GBE1: variants seen among roughly 807,000 people sequenced by gnomAD.
GBE1 encodes the protein 1,4-alpha-glucan-branching enzyme.
Under a neutral mutation model 88.8 loss-of-function variants are expected in GBE1, and 70 were observed. The observed-to-expected ratio is 0.79, with a 90% CI of 0.65 to 0.96. The LOEUF (loss-of-function observed/expected upper bound fraction) is 0.96, where lower values mean the gene tolerates loss of function less well. Among genes scored for constraint, GBE1 ranks in the 40% least tolerant of loss-of-function variants. The pLI, the probability that GBE1 is intolerant of heterozygous loss-of-function variation, is 0.00. For synonymous variants in GBE1, 284 were observed against 300.1 expected (o/e 0.95, Z 0.56); for missense variants, 872 against 871.0 (o/e 1.00, Z -0.01).
intron 14 of GBE1, among the ~76,000 whole-genome samples, chr3:81,527,809 C>T (rs1400866778): frequency 2.6e-5 from 4 of 151,998 alleles, no homozygotes; most frequent in African/African-American, 7.2e-5. Flanking sequence ...GACAGTGTGG[C>T]GATTCCTCAG....
chr3:81,604,435 C>T (rs1192773709), intron 7 of GBE1, among the ~76,000 whole-genome samples: 2 of 151,678 alleles, frequency 1.3e-5, no homozygotes, highest in Non-Finnish European at 1.5e-5. Flanking sequence ...GACAGGAGTG[C>T]ACCACGACGC....
intron 3 of GBE1, among the ~76,000 whole-genome samples, chr3:81,655,585 C>T (rs1169687660): frequency 6.6e-6 from 1 of 152,108 alleles, no homozygotes; most frequent in Non-Finnish European, 1.5e-5. Context: ...GGTGCCACCT[C>T]CACTCACTGC....
chr3:81,759,271 T>C (rs1706644808), intron 1 of GBE1, among the ~76,000 whole-genome samples: 1 of 152,130 alleles, frequency 6.6e-6, no homozygotes, highest in Non-Finnish European at 1.5e-5. Flanking sequence ...TCAAAAGATA[T>C]CTGTTGGGGA....
intron 12 of GBE1, among the ~76,000 whole-genome samples, chr3:81,543,868 G>T (rs1703171684): frequency 6.6e-6 from 1 of 152,078 alleles, no homozygotes; most frequent in Admixed American, 6.6e-5. Context: ...TAAGCAATAT[G>T]TATATTCCTA....
intron 7 of GBE1, among the ~76,000 whole-genome samples, chr3:81,610,161 C>T (rs1249331983): frequency 6.6e-6 from 1 of 152,098 alleles, no homozygotes; most frequent in Non-Finnish European, 1.5e-5. Context: ...ATGTCTGGCC[C>T]ACTGGTTCAA....
chr3:81,536,007 C>T (rs1016641127), intron 13 of GBE1, among the ~76,000 whole-genome samples: 1 of 151,882 alleles, frequency 6.6e-6, no homozygotes, highest in African/African-American at 2.4e-5. Context: ...CCATGCATAC[C>T]CGCAGCACCA....
chr3:81,529,764 A>T (rs1291748481), intron 14 of GBE1, among the ~76,000 whole-genome samples: 1 of 151,816 alleles, frequency 6.6e-6, no homozygotes, highest in Non-Finnish European at 1.5e-5. Context: ...GCCTTTGGGA[A>T]ATTGATTTTT....
intron 15 of GBE1, among the ~76,000 whole-genome samples, chr3:81,492,709 TTTCCTTCC>T (rs142892988): frequency 0.066 from 9,606 of 146,488 alleles, 521 homozygotes; most frequent in African/African-American, 0.13. Flanking sequence ...CCTTTCTTCC[TTTCCTTCC>T]TTCCTTCCTT....
intron 1 of GBE1, among the ~76,000 whole-genome samples, chr3:81,720,168 G>A (rs901631072): frequency 6.6e-6 from 1 of 151,892 alleles, no homozygotes; most frequent in African/African-American, 2.4e-5. Flanking sequence ...ATTCTGTCAG[G>A]CACAAAACTA....
intron 1 of GBE1, among the ~76,000 whole-genome samples, chr3:81,740,311 AT>A (rs373467899): frequency 5.8e-4 from 88 of 152,076 alleles, no homozygotes; most frequent in African/African-American, 2.0e-3. Context: ...CTTTTGTCTA[AT>A]TCACACCTGA....
At chr3:81,704,894 T>C (rs992223482) in intron 2 of GBE1, among the ~76,000 whole-genome samples, 1 of 152,026 alleles carries the variant, frequency 6.6e-6, no homozygotes, top group Non-Finnish European at 1.5e-5. Flanking sequence ...TCTAGTGGAG[T>C]TAACAGTGCA....
intron 7 of GBE1, among the ~76,000 whole-genome samples, chr3:81,631,671 T>C (rs1169792677): frequency 6.7e-6 from 1 of 150,008 alleles, no homozygotes; most frequent in Non-Finnish European, 1.5e-5. Flanking sequence ...CACTTGAACC[T>C]GGGAGGCAGA....
At chr3:81,525,270 C>G (rs1419169211) in intron 14 of GBE1, among the ~76,000 whole-genome samples, 2 of 151,932 alleles carry the variant, frequency 1.3e-5, no homozygotes, top group African/African-American at 4.8e-5. Flanking sequence ...AAGGCCTTTT[C>G]TTCATCTATT....
At chr3:81,659,598 T>A (rs910505041) in intron 3 of GBE1, among the ~76,000 whole-genome samples, 1 of 149,892 alleles carries the variant, frequency 6.7e-6, no homozygotes, top group East Asian at 2.0e-4. Context: ...TCCGCCCACC[T>A]CGGCCTCCCA....
chr3:81,629,101 A>G (rs1356333079), intron 7 of GBE1, among the ~76,000 whole-genome samples: 1 of 142,806 alleles, frequency 7.0e-6, no homozygotes, highest in Admixed American at 7.1e-5. Flanking sequence ...ATATGTATAC[A>G]TGTGCCATGC....
chr3:81,490,181 A>G lies in GBE1; in HGVS notation c.*226T>C, dbSNP rs748963117. On this transcript the variant is annotated 3_prime_UTR_variant, in exon 16 of 16. Coordinates refer to ENST00000429644, the MANE Select transcript of GBE1 (RefSeq NM_000158.4). The stretch of plus-strand genomic sequence containing the variant: ...CCATTTGAGAATCCTAGCTGCTAAG[A>G]TGACTTGAAAATATGGTCTAGGATT... 42 of 514,532 alleles carry G rather than the reference A, an allele frequency of 8.2e-5. No homozygotes were observed. Among genetic ancestry groups the G allele is most frequent in the Non-Finnish European group, 1.3e-4 (39 of 295,040 alleles). The allele number at this position is 514,532 out of a possible 1,614,324, so 31.9% of individuals were successfully genotyped here. A position where few individuals can be genotyped will look rare whatever the true frequency, so the allele number is the denominator to read the frequency against.
intron 1 of GBE1, among the ~76,000 whole-genome samples, chr3:81,721,224 T>A (rs11712470): frequency 0.44 from 33,147 of 75,078 alleles, 7,417 homozygotes; most frequent in East Asian, 0.77. Flanking sequence ...AATAAATAAA[T>A]AAATAAATAA....
rs189560550 is a variant in GBE1, at chr3:81,490,487, T to C, written c.2053-24A>G. 1,902 of 1,596,154 alleles carry C rather than the reference T, an allele frequency of 1.2e-3. 3 individuals are homozygous for C. The highest frequency in any genetic ancestry group is 1.5e-3 in the Admixed American group (88 of 59,096). ...ACCTACGTCAAAACAATTATGTCAG[T>C]GCAATTGAAGAAAGTACCAAACGGC... On this transcript the variant is annotated intron_variant, in intron 15 of 15. Transcript: ENST00000429644.
chr3:81,587,875 A>G (rs1243397952), intron 9 of GBE1, among the ~76,000 whole-genome samples: 2 of 152,218 alleles, frequency 1.3e-5, no homozygotes, highest in African/African-American at 4.8e-5. Context: ...ATCATTAACT[A>G]AAGTGCACAG....
Sources: gnomAD v4.1 joint callset for allele counts (sites outside exome capture counted in the v4.1 genomes callset) on GRCh38, gnomAD v4.1.1 for gene constraint, MANE v1.5 for transcripts, NCBI Gene and HGNC (gene_info 2026-07-23, HGNC 2026-07-21) for gene names.